Variants in RIT2 observed in about 807,000 individuals in gnomAD.
The protein encoded by RIT2 is Ras like without CAAX 2.
RIT2 carries 24 observed loss-of-function variants against 23.7 expected under a neutral mutation model. The ratio of observed to expected loss-of-function variants is 1.01; its 90% CI spans 0.73 to 1.43. The LOEUF (loss-of-function observed/expected upper bound fraction) is 1.43, where lower values mean the gene tolerates loss of function less well. Ranked by LOEUF, RIT2 falls within the 40% of genes most tolerant of loss-of-function variation. The pLI, the probability that RIT2 is intolerant of heterozygous loss-of-function variation, is 0.00. For missense variants in RIT2, 236 were observed against 266.9 expected (o/e 0.88, Z 0.81); for synonymous variants, 107 against 91.1 (o/e 1.17, Z -0.99).
At chr18:43,107,187 A>G (rs190410148) in intron 1 of RIT2, among the ~76,000 whole-genome samples, 7 of 152,304 alleles carry the variant, frequency 4.6e-5, no homozygotes, top group South Asian at 2.1e-4. Flanking sequence ...TTCATGCTCT[A>G]GAAAGTCAGG....
At chr18:42,936,691 T>G (rs1048876641) in intron 3 of RIT2, among the ~76,000 whole-genome samples, 5 of 152,306 alleles carry the variant, frequency 3.3e-5, no homozygotes, top group Non-Finnish European at 5.9e-5. Flanking sequence ...TCCGCCTTCA[T>G]ATCACGGTGA....
chr18:42,948,741 T>A (rs1909782634), intron 3 of RIT2, among the ~76,000 whole-genome samples: 1 of 152,034 alleles, frequency 6.6e-6, no homozygotes, highest in Non-Finnish European at 1.5e-5. Context: ...GAAAGAAACT[T>A]CAGTTGGGGC....
intron 4 of RIT2, among the ~76,000 whole-genome samples, chr18:42,813,090 A>T (rs1905896963): frequency 6.6e-6 from 1 of 152,214 alleles, no homozygotes; most frequent in Non-Finnish European, 1.5e-5. Flanking sequence ...GTATAGAAGA[A>T]TAGAATTAGT....
intron 3 of RIT2, among the ~76,000 whole-genome samples, chr18:42,930,913 C>A (rs1051524886): frequency 1.3e-5 from 2 of 151,996 alleles, no homozygotes; most frequent in Non-Finnish European, 2.9e-5. Flanking sequence ...GCTTTGCCTC[C>A]GTTTGAAGTA....
At chr18:42,999,954 T>C (rs1911067376) in intron 2 of RIT2, among the ~76,000 whole-genome samples, 1 of 152,084 alleles carries the variant, frequency 6.6e-6, no homozygotes, top group Non-Finnish European at 1.5e-5. Context: ...TAAGGGAATA[T>C]GTAGCTACTC....
intron 2 of RIT2, among the ~76,000 whole-genome samples, chr18:43,006,224 T>C (rs746579684): frequency 3.0e-4 from 46 of 151,368 alleles, no homozygotes; most frequent in South Asian, 4.2e-4. Flanking sequence ...CTGTCTAAAA[T>C]ATCAGGAAAA....
chr18:42,985,143 G>A (rs1910681818), intron 2 of RIT2, among the ~76,000 whole-genome samples: 1 of 151,752 alleles, frequency 6.6e-6, no homozygotes, highest in African/African-American at 2.4e-5. Context: ...CAATGAGATG[G>A]GAAATTAGAT....
intron 1 of RIT2, among the ~76,000 whole-genome samples, chr18:43,066,091 C>T (rs904757568): frequency 1.3e-5 from 2 of 152,066 alleles, no homozygotes; most frequent in Non-Finnish European, 2.9e-5. Flanking sequence ...TAGATTCTAC[C>T]TGATTAGAAT....
At chr18:43,037,759 A>G (rs1419986901) in intron 1 of RIT2, among the ~76,000 whole-genome samples, 1 of 152,128 alleles carries the variant, frequency 6.6e-6, no homozygotes, top group African/African-American at 2.4e-5. Flanking sequence ...ATTTTTCTAT[A>G]GCCTTGATAC....
chr18:42,813,686 A>G (rs1905913928), intron 4 of RIT2, among the ~76,000 whole-genome samples: 1 of 152,170 alleles, frequency 6.6e-6, no homozygotes, highest in African/African-American at 2.4e-5. Context: ...TAGTACTCCA[A>G]AAATAAAAAT....
chr18:42,817,222 G>A (rs2143986444), intron 4 of RIT2, among the ~76,000 whole-genome samples: 1 of 152,224 alleles, frequency 6.6e-6, no homozygotes, highest in South Asian at 2.1e-4. Context: ...AAGCTAAATT[G>A]ATTATTTGAT....
intron 3 of RIT2, among the ~76,000 whole-genome samples, chr18:42,964,223 A>T (rs1469808624): frequency 6.6e-6 from 1 of 151,656 alleles, no homozygotes; most frequent in Admixed American, 6.6e-5. Context: ...ATATAATAAA[A>T]AAATAAAATC....
chr18:43,045,705 T>G (rs1032410583), intron 1 of RIT2, among the ~76,000 whole-genome samples: 1 of 152,112 alleles, frequency 6.6e-6, no homozygotes, highest in Non-Finnish European at 1.5e-5. Context: ...CAAATAATAT[T>G]TTTACCTCAC....
At chr18:43,085,522 T>C (rs1314121399) in intron 1 of RIT2, among the ~76,000 whole-genome samples, 1 of 152,198 alleles carries the variant, frequency 6.6e-6, no homozygotes, top group Non-Finnish European at 1.5e-5. Context: ...CCTACCAGCC[T>C]CTGGTAATCA....
intron 4 of RIT2, among the ~76,000 whole-genome samples, chr18:42,793,287 C>G (rs74628664): frequency 0.038 from 5,720 of 152,110 alleles, 328 homozygotes; most frequent in African/African-American, 0.13. Flanking sequence ...AGCTTTTCCC[C>G]CTATACTGCC....
At chr18:42,908,173 T>C (rs188194161) in intron 4 of RIT2, among the ~76,000 whole-genome samples, 3 of 149,082 alleles carry the variant, frequency 2.0e-5, no homozygotes, top group East Asian at 1.9e-4. Flanking sequence ...ATGTTCTTAA[T>C]AGTAGAGTGG....
intron 1 of RIT2, among the ~76,000 whole-genome samples, chr18:43,093,189 G>T (rs889355516): frequency 6.6e-6 from 1 of 151,824 alleles, no homozygotes; most frequent in Admixed American, 6.6e-5. Flanking sequence ...CAGTGCTTTC[G>T]CTTTTTAAAT....
At chr18:42,929,751 G>A (rs1221914782) in intron 3 of RIT2, among the ~76,000 whole-genome samples, 1 of 152,158 alleles carries the variant, frequency 6.6e-6, no homozygotes, top group Non-Finnish European at 1.5e-5. Context: ...ACCCTGGGCA[G>A]CTGCAGCAAT....
At chr18:42,792,501 TAA>T (rs1477887543) in intron 4 of RIT2, among the ~76,000 whole-genome samples, 1 of 152,194 alleles carries the variant, frequency 6.6e-6, no homozygotes, top group African/African-American at 2.4e-5. Flanking sequence ...TTTATAATAA[TAA>T]GAGTAGCCAA....
Sources: gnomAD v4.1 joint callset for allele counts (sites outside exome capture counted in the v4.1 genomes callset) on GRCh38, gnomAD v4.1.1 for gene constraint, MANE v1.5 for transcripts, NCBI Gene and HGNC (gene_info 2026-07-23, HGNC 2026-07-21) for gene names.